COA1: variants seen among roughly 807,000 people sequenced by gnomAD.
COA1 encodes the protein cytochrome c oxidase assembly factor 1 homolog.
A neutral mutation model predicts 16.0 loss-of-function variants in COA1; 13 were observed. The ratio of observed to expected loss-of-function variants is 0.81; its 90% CI spans 0.53 to 1.29. COA1 has a LOEUF of 1.29. COA1 is among the 50% of genes most tolerant of loss of function. COA1 has a pLI of 0.00. For missense variants in COA1, 179 were observed against 177.0 expected (o/e 1.01, Z -0.06); for synonymous variants, 65 against 65.7 (o/e 0.99, Z 0.05).
intron 1 of COA1, among the ~76,000 whole-genome samples, chr7:43,700,227 G>C (rs1016279332): frequency 4.6e-5 from 7 of 151,876 alleles, no homozygotes; most frequent in African/African-American, 1.5e-4. Flanking sequence ...GAAAAACCTC[G>C]ATCAGTAATA....
At chr7:43,619,723 G>T (rs1475772186) in intron 6 of COA1, 1 of 1,612,876 alleles carries the variant, frequency 6.2e-7, no homozygotes. Flanking sequence ...TGAATATGTG[G>T]GTAAGTATTC....
intron 1 of COA1, among the ~76,000 whole-genome samples, chr7:43,676,363 G>C (rs1584847798): frequency 6.6e-6 from 1 of 152,148 alleles, no homozygotes; most frequent in South Asian, 2.1e-4. Flanking sequence ...TCCAACAACA[G>C]AATAATGGGT....
At chr7:43,681,198 G>C (rs1230975744) in intron 1 of COA1, among the ~76,000 whole-genome samples, 1 of 152,080 alleles carries the variant, frequency 6.6e-6, no homozygotes, top group Non-Finnish European at 1.5e-5. Context: ...ATATAGGATT[G>C]ACTCCATTTT....
At chr7:43,703,554 A>G (rs142735449) in intron 1 of COA1, among the ~76,000 whole-genome samples, 1 of 152,228 alleles carries the variant, frequency 6.6e-6, no homozygotes, top group African/African-American at 2.4e-5. Flanking sequence ...TAAATCTTCT[A>G]GTTGAATTGA....
chr7:43,695,894 C>T (rs2094511496), intron 1 of COA1, among the ~76,000 whole-genome samples: 1 of 152,218 alleles, frequency 6.6e-6, no homozygotes, highest in South Asian at 2.1e-4. Context: ...AACTCCCTTA[C>T]AAATACGAAA....
intron 1 of COA1, among the ~76,000 whole-genome samples, chr7:43,713,902 G>A (rs1448883870): frequency 6.6e-6 from 1 of 152,146 alleles, no homozygotes; most frequent in African/African-American, 2.4e-5. Context: ...AGCCAGGCAT[G>A]GTGGCGCACA....
intron 1 of COA1, among the ~76,000 whole-genome samples, chr7:43,723,226 G>A (rs2095546047): frequency 6.6e-6 from 1 of 152,090 alleles, no homozygotes; most frequent in Non-Finnish European, 1.5e-5. Flanking sequence ...TCTAAGTTTT[G>A]GTTGAGCCAC....
intron 3 of COA1, 59 bp from the exon 4 acceptor site, chr7:43,645,458 C>T (rs1584313035): frequency 6.7e-7 from 1 of 1,482,336 alleles, no homozygotes; most frequent in South Asian, 1.1e-5. Flanking sequence ...GAATCTACTA[C>T]ACAGAAAATT....
intron 1 of COA1, among the ~76,000 whole-genome samples, chr7:43,684,615 C>CTATCCT (rs1274394863): frequency 6.6e-6 from 1 of 152,166 alleles, no homozygotes; most frequent in Non-Finnish European, 1.5e-5. Flanking sequence ...AGAGACCCCT[C>CTATCCT]TTCTCAATGA....
chr7:43,679,016 C>T (rs1257024162), intron 1 of COA1, among the ~76,000 whole-genome samples: 2 of 152,124 alleles, frequency 1.3e-5, no homozygotes, highest in Admixed American at 6.5e-5. Flanking sequence ...TGGTGGCTCA[C>T]GCCTGTAATC....
chr7:43,685,408 G>GATCT (rs1040419650), intron 1 of COA1, among the ~76,000 whole-genome samples: 2 of 152,078 alleles, frequency 1.3e-5, no homozygotes, highest in African/African-American at 4.8e-5. Context: ...TACAACACAA[G>GATCT]ATCTACATGC....
intron 6 of COA1, among the ~76,000 whole-genome samples, chr7:43,627,227 G>T (rs1173595539): frequency 2.0e-5 from 3 of 152,094 alleles, no homozygotes; most frequent in African/African-American, 7.3e-5. Flanking sequence ...TTGATCTTGT[G>T]TTTTGTTGTT....
rs1456599307 is a variant in COA1, at chr7:43,639,350, A to ATAAT, written c.*228_*231dup. Reference sequence around the variant, plus strand: ...AAATACATTACATTATCTTAAATTTATAATAGGAGTTTCTTTCGGATTCAG... The same window carrying ATAAT: ...AAATACATTACATTATCTTAAATTTATAATTAATAGGAGTTTCTTTCGGATTCAG... On this transcript the variant is annotated 3_prime_UTR_variant, in exon 6 of 6. Transcript: ENST00000223336. The ATAAT allele has an allele frequency of 8.2e-6, 3 of 365,632 alleles. No individual in the cohort carries two copies. In the Admixed American group the frequency reaches 1.3e-4, roughly 16 times the overall value. The allele number at this position is 365,632 out of a possible 1,614,324, so 22.6% of individuals were successfully genotyped here. A position where few individuals can be genotyped will look rare whatever the true frequency, so the allele number is the denominator to read the frequency against.
chr7:43,700,826 A>G (rs529308419), intron 1 of COA1, among the ~76,000 whole-genome samples: 2 of 152,258 alleles, frequency 1.3e-5, no homozygotes, highest in African/African-American at 4.8e-5. Flanking sequence ...TGCTCTGTAA[A>G]GAAGTAGGTA....
At chr7:43,668,931 T>C (rs570322247) in intron 1 of COA1, among the ~76,000 whole-genome samples, 3 of 152,336 alleles carry the variant, frequency 2.0e-5, no homozygotes, top group Non-Finnish European at 2.9e-5. Flanking sequence ...AACTGAAATA[T>C]TGGACAGAGA....
chr7:43,677,463 G>C (rs1584864999), intron 1 of COA1, among the ~76,000 whole-genome samples: 1 of 152,166 alleles, frequency 6.6e-6, no homozygotes, highest in Admixed American at 6.5e-5. Context: ...GAGAGAAACA[G>C]GAATGCTTTA....
chr7:43,608,519 T>C (rs768111564), exon 7 of COA1: 31 of 1,221,840 alleles, frequency 2.5e-5, no homozygotes, highest in Admixed American at 1.3e-4. Context: ...ACAAGGATAT[T>C]AGAATTGAGT....
At chr7:43,646,634 A>AC in intron 3 of COA1, 1 of 456,612 alleles carries the variant, frequency 2.2e-6, no homozygotes, top group South Asian at 1.5e-5. Context: ...CCAAAAGTGC[A>AC]CCCATCCCTC....
intron 1 of COA1, chr7:43,711,576 A>G (rs1269093493): frequency 6.6e-6 from 1 of 152,226 alleles, no homozygotes; most frequent in Non-Finnish European, 1.5e-5. Context: ...GTCACCTAAC[A>G]ATCAGGATAC....
Sources: allele counts gnomAD v4.1 joint callset (sites outside exome capture counted in the v4.1 genomes callset), GRCh38; gene constraint gnomAD v4.1.1; transcripts MANE v1.5; gene names NCBI Gene and HGNC (gene_info 2026-07-23, HGNC 2026-07-21).